The following ELP4 variants were observed in gnomAD, a reference collection of about 807,000 sequenced individuals.
ELP4 encodes elongator complex protein 4.
ELP4 carries 51 observed loss-of-function variants against 48.9 expected under a neutral mutation model. That is an observed-to-expected ratio of 1.04 (90% confidence interval 0.83 to 1.32). The LOEUF (loss-of-function observed/expected upper bound fraction) is 1.32. ELP4 is among the 40% of genes most tolerant of loss of function. The pLI is 0.00. For missense variants in ELP4, 519 were observed against 514.6 expected (o/e 1.01, Z -0.08); for synonymous variants, 210 against 189.2 (o/e 1.11, Z -0.90).
intron 3 of ELP4, among the ~76,000 whole-genome samples, chr11:31,543,970 T>C (rs61878482): frequency 2.8e-4 from 42 of 152,300 alleles, no homozygotes; most frequent in Non-Finnish European, 5.3e-4. Flanking sequence ...CTAAAGTTTT[T>C]CACAAAAAAA....
At chr11:31,778,060 A>G (rs1008829091) in intron 9 of ELP4, among the ~76,000 whole-genome samples, 4 of 152,160 alleles carry the variant, frequency 2.6e-5, no homozygotes, top group African/African-American at 9.7e-5. Flanking sequence ...TAAAGGGGGG[A>G]TATGCTTTTA....
intron 4 of ELP4, 151 bp from the exon 5 acceptor site, chr11:31,603,617 G>A (rs893488110): frequency 1.7e-6 from 1 of 603,136 alleles, no homozygotes; most frequent in African/African-American, 1.9e-5. Context: ...GTTGTTGTAT[G>A]CTTCTTTGAA....
intron 1 of ELP4, among the ~76,000 whole-genome samples, chr11:31,515,974 A>G (rs523763): frequency 0.39 from 59,350 of 151,940 alleles, 15,031 homozygotes; most frequent in African/African-American, 0.72. Flanking sequence ...TGCCGGGTGT[A>G]GTGGGAGGTG....
chr11:31,702,403 TG>T (rs1946544779), intron 9 of ELP4, among the ~76,000 whole-genome samples: 1 of 152,112 alleles, frequency 6.6e-6, no homozygotes, highest in African/African-American at 2.4e-5. Flanking sequence ...TGGAATTTAT[TG>T]TTTAATGGAT....
intron 9 of ELP4, among the ~76,000 whole-genome samples, chr11:31,742,274 T>C (rs1432743686): frequency 6.6e-6 from 1 of 152,208 alleles, no homozygotes; most frequent in African/African-American, 2.4e-5. Context: ...GTCTGATTGG[T>C]GTACCTGAAA....
At chr11:31,686,633 C>G (rs1411961679) in intron 9 of ELP4, among the ~76,000 whole-genome samples, 1 of 152,038 alleles carries the variant, frequency 6.6e-6, no homozygotes, top group Non-Finnish European at 1.5e-5. Flanking sequence ...ATAATCCTAG[C>G]ACTTGGGGAG....
At chr11:31,692,762 T>A (rs1946306597) in intron 9 of ELP4, among the ~76,000 whole-genome samples, 1 of 152,102 alleles carries the variant, frequency 6.6e-6, no homozygotes, top group South Asian at 2.1e-4. Context: ...TAACACCCTC[T>A]CCACCTCCTA....
chr11:31,573,123 A>G lies in ELP4; in HGVS notation c.382-21647A>G, dbSNP rs141986519. 1.9e-4 allele frequency among the ~76,000 whole-genome samples: 29 copies of G among 152,368 alleles called. No homozygotes were observed. In the East Asian group the frequency reaches 5.6e-3, roughly 29 times the overall value. On this transcript the variant is annotated intron_variant, in intron 3 of 9. Transcript: ENST00000640961. ...ATTTTATCAATTTCATATACAATTC[A>G]GTGAGTTTGAGTAAATGTTCACAGT... is the stretch of plus-strand genomic sequence containing the variant.
At position 31,738,232 on chromosome 11, in the gene ELP4, CAAAAAAAAAAAA is replaced by C. The variant is rs57817538; in HGVS notation, c.1144-45147_1144-45136del. ...CAACATGGCAAAACCCCATCTCTAC[CAAAAAAAAAAAA>C]AAAAAAAAAAAAATTAATACTTAGC... is the stretch of plus-strand genomic sequence containing the variant. On this transcript the variant is annotated intron_variant, in intron 9 of 9. Coordinates refer to ENST00000640961, the MANE Select transcript of ELP4 (RefSeq NM_019040.5). Among the ~76,000 whole-genome samples the C allele has an allele frequency of 6.7e-4, 36 of 53,714 alleles. 1 individual carries two copies. Among genetic ancestry groups the C allele is most frequent in the African/African-American group, 2.4e-3 (33 of 13,624 alleles). The allele number at this position is 53,714 out of a possible 152,430, so 35.2% of individuals were successfully genotyped here.
At position 31,735,880 on chromosome 11, in the gene ELP4, C is replaced by T. The variant is rs533595028; in HGVS notation, c.1144-47513C>T. ...GCTCATGAGTAGGAAGAATCAATAT[C>T]GTGAAAATGGCCATACTTCCCAAGG... is the stretch of plus-strand genomic sequence containing the variant. On this transcript the variant is annotated intron_variant, in intron 9 of 9. Transcript: ENST00000640961. Among the ~76,000 whole-genome samples, 37 of 152,202 alleles carry T rather than the reference C, an allele frequency of 2.4e-4. 1 individual carries two copies. The South Asian group carries it at 6.2e-3, about 26-fold the overall frequency.
intron 3 of ELP4, among the ~76,000 whole-genome samples, chr11:31,548,931 A>G (rs1263614104): frequency 1.3e-5 from 2 of 152,152 alleles, no homozygotes; most frequent in Non-Finnish European, 1.5e-5. Context: ...CTGGCTAGCC[A>G]TATGTAGAAA....
intron 9 of ELP4, among the ~76,000 whole-genome samples, chr11:31,691,532 T>C (rs1946281072): frequency 6.6e-6 from 1 of 152,112 alleles, no homozygotes; most frequent in South Asian, 2.1e-4. Context: ...TTTAGTGTCT[T>C]GCTTTTAGTA....
At chr11:31,516,936 G>C (rs533620939) in intron 1 of ELP4, among the ~76,000 whole-genome samples, 4 of 152,230 alleles carry the variant, frequency 2.6e-5, no homozygotes, top group African/African-American at 9.6e-5. Context: ...AAAATATAAA[G>C]TCTTGTAAAT....
intron 3 of ELP4, among the ~76,000 whole-genome samples, chr11:31,559,004 G>C (rs1372160997): frequency 2.6e-5 from 4 of 152,048 alleles, no homozygotes; most frequent in African/African-American, 9.7e-5. Flanking sequence ...CTGAAAACCA[G>C]AGGCATTAAA....
Position 31,519,962 on chromosome 11 carries a change from T to C in ELP4, c.224-94T>C, listed in dbSNP as rs1956185882. 2.6e-5 allele frequency: 30 copies of C among 1,173,660 alleles called. 1 individual carries two copies. The South Asian group carries it at 4.0e-4, about 16-fold the overall frequency. 72.7% of individuals were successfully genotyped at this position (1,173,660 alleles called of 1,614,324 possible). On this transcript the variant is annotated intron_variant, in intron 1 of 9. Coordinates refer to ENST00000640961, the MANE Select transcript of ELP4 (RefSeq NM_019040.5). ...TTGTTCACAACTACTGTTTTAAAGT[T>C]ATTGAAGTGCCTTTCCTTCATAAAG...
rs1413873883 is a variant in ELP4 at position 31,779,643 on chromosome 11, G to A, written c.1144-3750G>A. The A allele has an allele frequency of 1.3e-5, 2 of 152,198 alleles. 1 individual carries two copies. Among genetic ancestry groups the A allele is most frequent in the Non-Finnish European group, 2.9e-5 (2 of 68,058 alleles). 9.4% of individuals were successfully genotyped at this position (152,198 alleles called of 1,614,324 possible). ...CCCTGGGCTTCCCATGGGCCTAAGG[G>A]TGCCTTTTGGCAGGAGTCTCCATAA... On this transcript the variant is annotated intron_variant, in intron 9 of 9. Transcript: ENST00000640961.
intron 4 of ELP4, chr11:31,599,642 T>C (rs1426973322): frequency 6.5e-6 from 1 of 152,696 alleles, no homozygotes; most frequent in East Asian, 1.9e-4. Context: ...AAACTTACAA[T>C]CATGGCAGAA....
At chr11:31,704,105 T>C (rs61879771) in intron 9 of ELP4, among the ~76,000 whole-genome samples, 1 of 152,150 alleles carries the variant, frequency 6.6e-6, no homozygotes, top group Non-Finnish European at 1.5e-5. Context: ...AAAAAAAATT[T>C]AGTTTGCAGT....
rs543809851 is a variant in ELP4 at position 31,767,011 on chromosome 11, C to T, written c.1144-16382C>T. Among the ~76,000 whole-genome samples, 17 of 152,188 alleles carry T rather than the reference C, an allele frequency of 1.1e-4. No individual in the cohort carries two copies. In the East Asian group the frequency reaches 2.5e-3, roughly 22 times the overall value. ...TTAGAAATCATTTGATGAAAAAAAT[C>T]ATGCTTTCTTTTGCTCTGAGTATCT... On this transcript the variant is annotated intron_variant, in intron 9 of 9. Coordinates refer to ENST00000640961, the MANE Select transcript of ELP4 (RefSeq NM_019040.5).
Sources: gnomAD v4.1 joint callset for allele counts (sites outside exome capture counted in the v4.1 genomes callset) on GRCh38, gnomAD v4.1.1 for gene constraint, MANE v1.5 for transcripts, NCBI Gene and HGNC (gene_info 2026-07-23, HGNC 2026-07-21) for gene names.